Variants in SLC5A11 observed in about 807,000 individuals in gnomAD.
SLC5A11 encodes the protein sodium/myo-inositol cotransporter 2.
In SLC5A11, 48 loss-of-function variants were observed where a neutral mutation model predicts 69.8. The observed-to-expected ratio is 0.69, with a 90% CI of 0.55 to 0.87. SLC5A11 has a LOEUF of 0.87. Among genes scored for constraint, SLC5A11 ranks in the 40% least tolerant of loss-of-function variants. The pLI, the probability that SLC5A11 is intolerant of heterozygous loss-of-function variation, is 0.00. For synonymous variants in SLC5A11, 319 were observed against 342.4 expected (o/e 0.93, Z 0.75); for missense variants, 784 against 866.1 (o/e 0.91, Z 1.19).
intron 4 of SLC5A11, among the ~76,000 whole-genome samples, chr16:24,870,781 C>CCAAA (rs2047242737): frequency 1.5e-5 from 1 of 66,546 alleles, no homozygotes; most frequent in African/African-American, 6.1e-5. Context: ...CTCTGTCTCA[C>CCAAA]AAAAAAAAAA....
At chr16:24,894,747 C>T (rs1198863710) in intron 9 of SLC5A11, among the ~76,000 whole-genome samples, 1 of 151,764 alleles carries the variant, frequency 6.6e-6, no homozygotes, top group Non-Finnish European at 1.5e-5. Flanking sequence ...TTGCAGTGAA[C>T]CCGGATCGCG....
intron 9 of SLC5A11, among the ~76,000 whole-genome samples, chr16:24,895,801 C>T (rs1011711827): frequency 6.6e-6 from 1 of 152,170 alleles, no homozygotes; most frequent in Non-Finnish European, 1.5e-5. Flanking sequence ...TCACACTGTC[C>T]TTGAGCACAT....
Position 24,855,241 on chromosome 16 carries a change from G to T in SLC5A11, c.-24-3379G>T, listed in dbSNP as rs1013564999. Among the ~76,000 whole-genome samples, 6 of 152,118 alleles carry T rather than the reference G, an allele frequency of 3.9e-5. 1 individual carries two copies. The highest frequency in any genetic ancestry group is 1.3e-4 in the Admixed American group (2 of 15,274). On this transcript the variant is annotated intron_variant, in intron 1 of 15. Transcript: ENST00000347898. ...ATCCCTAATGCAATAGTATTAAGAG[G>T]CAGGGCATTTGAGAGGGTTAGGGTT...
At chr16:24,877,103 T>G in intron 6 of SLC5A11, 155 bp from the exon 8 acceptor site, 2 of 1,491,148 alleles carry the variant, frequency 1.3e-6, no homozygotes, top group Non-Finnish European at 1.8e-6. Flanking sequence ...AGACCCCTGA[T>G]CTGGGATGCA....
intron 5 of SLC5A11, among the ~76,000 whole-genome samples, chr16:24,875,127 T>G (rs1319860688): frequency 2.0e-5 from 3 of 152,118 alleles, no homozygotes; most frequent in Non-Finnish European, 2.9e-5. Flanking sequence ...GTGTAAGCCA[T>G]CGTGCATGGC....
Position 24,906,765 on chromosome 16 carries a change from G to A in SLC5A11, c.1114+1G>A. 1.2e-6 allele frequency: 2 copies of A among 1,609,670 alleles called. No homozygotes were observed. Among genetic ancestry groups the A allele is most frequent in the Non-Finnish European group, 8.5e-7 (1 of 1,177,074 alleles). ...CTCGTGCTGGAACTCCTGCCCACAG[G>A]TAATGTCCCTTCACTCCTGAATCAA... is the stretch of plus-strand genomic sequence containing the variant. On this transcript the variant is annotated splice_donor_variant, in intron 11 of 15. Coordinates refer to ENST00000347898, the Ensembl canonical transcript of SLC5A11. LOFTEE classifies it high-confidence loss of function.
rs760894375 is a variant in SLC5A11, at chr16:24,858,706, G to A, written c.63G>A (p.Gln21=). 5.0e-6 allele frequency: 8 copies of A among 1,611,868 alleles called. No homozygotes were observed. The Admixed American group carries it at 1.3e-4, about 27-fold the overall frequency. Residue 21 remains glutamine (Q), a synonymous_variant, in exon 2 of 16, where the codon CAG becomes CAA. Coordinates refer to ENST00000347898, the Ensembl canonical transcript of SLC5A11. The stretch of plus-strand genomic sequence containing the variant: ...TAGATCCCCTGGATGCGTTTCCCCA[G>A]AAGGGCTTGGAGCCTGGGGACATCG...
At chr16:24,877,712 A>G (rs2047769089) in intron 7 of SLC5A11, among the ~76,000 whole-genome samples, 3 of 152,038 alleles carry the variant, frequency 2.0e-5, no homozygotes, top group Admixed American at 2.0e-4. Flanking sequence ...TAGGCCAGGC[A>G]CGGTGGCTTA....
At chr16:24,899,277 T>C (rs2049410179) in intron 10 of SLC5A11, among the ~76,000 whole-genome samples, 1 of 152,238 alleles carries the variant, frequency 6.6e-6, no homozygotes. Flanking sequence ...TATATTTTTT[T>C]GAAACCAACT....
chr16:24,884,853 G>C (rs372490351), intron 8 of SLC5A11, among the ~76,000 whole-genome samples: 2 of 151,634 alleles, frequency 1.3e-5, no homozygotes, highest in African/African-American at 4.8e-5. Flanking sequence ...CAATCCTCCC[G>C]CCTCAGCCTC....
exon 12 of SLC5A11, chr16:24,907,040 T>A: frequency 2.5e-6 from 4 of 1,614,158 alleles, no homozygotes; most frequent in Non-Finnish European, 3.4e-6. Flanking sequence ...CGTGGGCTGA[T>A]GATGGCTGTG....
At chr16:24,860,141 G>A (rs2059701164) in intron 2 of SLC5A11, among the ~76,000 whole-genome samples, 1 of 152,148 alleles carries the variant, frequency 6.6e-6, no homozygotes, top group Non-Finnish European at 1.5e-5. Context: ...CAAAAAATTA[G>A]CCAGGTGTGG....
intron 1 of SLC5A11, among the ~76,000 whole-genome samples, chr16:24,849,126 GC>G (rs1203203129): frequency 6.6e-6 from 1 of 152,174 alleles, no homozygotes; most frequent in Non-Finnish European, 1.5e-5. Flanking sequence ...ATGGACTAAT[GC>G]CTTATAGATG....
chr16:24,850,944 G>A (rs1287570809), intron 1 of SLC5A11, among the ~76,000 whole-genome samples: 1 of 151,514 alleles, frequency 6.6e-6, no homozygotes, highest in East Asian at 2.0e-4. Context: ...CCAAGTAGCT[G>A]GGATTACAGG....
chr16:24,857,147 C>G (rs1348385823), intron 1 of SLC5A11, among the ~76,000 whole-genome samples: 1 of 152,188 alleles, frequency 6.6e-6, no homozygotes, highest in Non-Finnish European at 1.5e-5. Flanking sequence ...AGCCTGAATT[C>G]TTAACATCTC....
At chr16:24,888,478 CTTTT>C (rs891552223) in intron 8 of SLC5A11, among the ~76,000 whole-genome samples, 1 of 81,410 alleles carries the variant, frequency 1.2e-5, no homozygotes. Context: ...GTATCTATTT[CTTTT>C]TTTTTTTTTT....
intron 8 of SLC5A11, among the ~76,000 whole-genome samples, chr16:24,888,854 T>C (rs111280942): frequency 5.4e-4 from 71 of 131,232 alleles, no homozygotes; most frequent in African/African-American, 1.6e-3. Context: ...TGGCATGCAG[T>C]GGTGTGATCT....
chr16:24,888,478 CTTTTTTTTT>C (rs891552223), intron 8 of SLC5A11, among the ~76,000 whole-genome samples: 6 of 81,406 alleles, frequency 7.4e-5, no homozygotes, highest in Non-Finnish European at 1.3e-4. Flanking sequence ...GTATCTATTT[CTTTTTTTTT>C]TTTTTTTTTT....
chr16:24,894,948 T>C (rs1006450054), intron 9 of SLC5A11, among the ~76,000 whole-genome samples: 5 of 151,812 alleles, frequency 3.3e-5, no homozygotes, highest in African/African-American at 1.2e-4. Context: ...CGAGACCTCA[T>C]CTCTACAAAA....
Sources: gnomAD v4.1 joint callset for allele counts (sites outside exome capture counted in the v4.1 genomes callset) on GRCh38, gnomAD v4.1.1 for gene constraint, MANE v1.5 for transcripts, NCBI Gene and HGNC (gene_info 2026-07-23, HGNC 2026-07-21) for gene names.